The following CNBD1 variants were observed in gnomAD, a reference collection of about 807,000 sequenced individuals.
The protein encoded by CNBD1 is cyclic nucleotide-binding domain-containing protein 1.
A neutral mutation model predicts 54.4 loss-of-function variants in CNBD1; 71 were observed. The ratio of observed to expected loss-of-function variants is 1.30; its 90% CI spans 1.08 to 1.59. CNBD1 has a LOEUF of 1.59. Ranked by LOEUF, CNBD1 falls within the 40% of genes most tolerant of loss-of-function variation. CNBD1 has a pLI of 0.00. For missense variants in CNBD1, 659 were observed against 518.0 expected, an observed-to-expected ratio of 1.27 and a Z score of -2.64; for synonymous variants, 182 against 170.7, an observed-to-expected ratio of 1.07 and a Z score of -0.51.
chr8:87,238,766 A>G (rs896409549), intron 6 of CNBD1, among the ~76,000 whole-genome samples: 1 of 151,968 alleles, frequency 6.6e-6, no homozygotes, highest in African/African-American at 2.4e-5. Flanking sequence ...TCTGCCCTCT[A>G]ACTGTTGAAA....
At chr8:87,199,041 A>G (rs1445165380) in intron 4 of CNBD1, among the ~76,000 whole-genome samples, 1 of 152,158 alleles carries the variant, frequency 6.6e-6, no homozygotes, top group Non-Finnish European at 1.5e-5. Context: ...ACACTCTTAA[A>G]TGACCAGATC....
chr8:87,353,360 G>T lies in CNBD1; in HGVS notation c.1153-276G>T, dbSNP rs1810346236. ...TGATATCCTAGATCCTTGAAATGTGGAATTAGTTCAATATTTCCTAAACAT... is the reference window on the plus strand; with the variant it reads ...TGATATCCTAGATCCTTGAAATGTGTAATTAGTTCAATATTTCCTAAACAT... On this transcript the variant is annotated intron_variant, in intron 9 of 10. Transcript: ENST00000518476. 5.3e-5 allele frequency among the ~76,000 whole-genome samples: 8 copies of T among 152,090 alleles called. No homozygotes were observed. In the South Asian group the frequency reaches 1.7e-3, roughly 31 times the overall value.
chr8:86,888,887 TAAG>T (rs1244019415), intron 2 of CNBD1, among the ~76,000 whole-genome samples: 1 of 152,150 alleles, frequency 6.6e-6, no homozygotes, highest in Admixed American at 6.5e-5. Context: ...GGGGTCATAA[TAAG>T]AGAGCTTGAA....
intron 6 of CNBD1, among the ~76,000 whole-genome samples, chr8:87,273,710 A>G (rs1478645968): frequency 6.6e-6 from 1 of 152,042 alleles, no homozygotes; most frequent in Non-Finnish European, 1.5e-5. Flanking sequence ...TTATCTTTTT[A>G]TAAAGTAGTA....
chr8:87,388,603 C>G (rs553260564), intron 2 of CNBD1, among the ~76,000 whole-genome samples: 2 of 152,136 alleles, frequency 1.3e-5, no homozygotes, highest in South Asian at 4.1e-4. Context: ...ATTGAGGCAA[C>G]AATTAATAGC....
At chr8:87,384,818 A>G (rs1811151103), downstream of CNBD1, among the ~76,000 whole-genome samples, 1 of 152,176 alleles carries the variant, frequency 6.6e-6, no homozygotes, top group African/African-American at 2.4e-5. Context: ...AGAGAGTATA[A>G]TGTTATCTGA....
At chr8:87,276,113 C>A (rs552935986) in intron 6 of CNBD1, among the ~76,000 whole-genome samples, 15 of 151,900 alleles carry the variant, frequency 9.9e-5, no homozygotes, top group Non-Finnish European at 2.1e-4. Context: ...TCATTACTAT[C>A]TAATACGTAT....
chr8:87,136,030 C>A (rs992271333), intron 4 of CNBD1, among the ~76,000 whole-genome samples: 12 of 152,012 alleles, frequency 7.9e-5, no homozygotes, highest in African/African-American at 2.7e-4. Context: ...AGGCTGTTAG[C>A]TTCCAACGTC....
chr8:87,181,270 C>G (rs751630113), intron 4 of CNBD1, among the ~76,000 whole-genome samples: 5 of 152,088 alleles, frequency 3.3e-5, no homozygotes, highest in Non-Finnish European at 5.9e-5. Context: ...ATACAGTATG[C>G]AACTTAATAC....
chr8:87,263,688 C>A (rs1157128867), intron 6 of CNBD1, among the ~76,000 whole-genome samples: 1 of 151,896 alleles, frequency 6.6e-6, no homozygotes, highest in Non-Finnish European at 1.5e-5. Flanking sequence ...CCAAGGCAAA[C>A]AAAATTCCTA....
chr8:87,248,911 C>T (rs941779467), intron 6 of CNBD1, among the ~76,000 whole-genome samples: 10 of 152,238 alleles, frequency 6.6e-5, no homozygotes, highest in Middle Eastern at 6.8e-3. Context: ...GAGAGGGCCA[C>T]GTATGGACTA....
At chr8:87,109,828 G>A (rs895992032) in intron 4 of CNBD1, among the ~76,000 whole-genome samples, 15 of 152,174 alleles carry the variant, frequency 9.9e-5, no homozygotes, top group Admixed American at 8.5e-4. Flanking sequence ...GTGAGCCACC[G>A]TGCCCAGCCA....
At chr8:86,920,119 A>G (rs905536178) in intron 3 of CNBD1, among the ~76,000 whole-genome samples, 25 of 152,192 alleles carry the variant, frequency 1.6e-4, no homozygotes, top group African/African-American at 6.0e-4. Context: ...GCTTATTTCA[A>G]TGAGATAAAC....
chr8:86,946,709 TTAA>T (rs36089043), intron 4 of CNBD1, among the ~76,000 whole-genome samples: 77,146 of 151,714 alleles, frequency 0.51, 20,329 homozygotes, highest in Admixed American at 0.59. Context: ...TATTACAGAT[TTAA>T]TAACAATGGA....
At chr8:86,940,455 C>T (rs1809634736) in intron 4 of CNBD1, among the ~76,000 whole-genome samples, 3 of 152,082 alleles carry the variant, frequency 2.0e-5, no homozygotes, top group South Asian at 2.1e-4. Context: ...TGTGAGCTTC[C>T]GCACCCGGCC....
At chr8:86,946,054 A>G (rs1807458945) in intron 4 of CNBD1, among the ~76,000 whole-genome samples, 1 of 152,190 alleles carries the variant, frequency 6.6e-6, no homozygotes, top group Admixed American at 6.5e-5. Flanking sequence ...TAAAGCCCCA[A>G]ACATATTACT....
At chr8:87,254,689 A>G (rs67355554) in intron 6 of CNBD1, among the ~76,000 whole-genome samples, 43,435 of 152,022 alleles carry the variant, frequency 0.29, 6,702 homozygotes, top group African/African-American at 0.4. Context: ...TCAGGTGGGG[A>G]TTTTCACGTA....
intron 4 of CNBD1, among the ~76,000 whole-genome samples, chr8:87,015,373 G>A (rs1586199261): frequency 6.6e-6 from 1 of 152,124 alleles, no homozygotes; most frequent in African/African-American, 2.4e-5. Context: ...TTTTAGTAGA[G>A]ACAGGGTTTC....
At chr8:87,354,001 A>G (rs1276349918) in intron 10 of CNBD1, 11 of 355,270 alleles carry the variant, frequency 3.1e-5, no homozygotes, top group Admixed American at 2.4e-4. Flanking sequence ...AGGGAACTTC[A>G]TTTTCATCAT....
Sources: allele counts gnomAD v4.1 joint callset (sites outside exome capture counted in the v4.1 genomes callset), GRCh38; gene constraint gnomAD v4.1.1; transcripts MANE v1.5; gene names NCBI Gene and HGNC (gene_info 2026-07-23, HGNC 2026-07-21).